PTPRD: variants seen among roughly 807,000 people sequenced by gnomAD.
The protein encoded by PTPRD is receptor-type tyrosine-protein phosphatase delta.
In PTPRD, 34 loss-of-function variants were observed where a neutral mutation model predicts 214.5. That is an observed-to-expected ratio of 0.16 (90% confidence interval 0.12 to 0.21). The LOEUF (loss-of-function observed/expected upper bound fraction) is 0.21, where lower values mean the gene tolerates loss of function less well. Ranked by LOEUF, PTPRD falls within the 10% of genes least tolerant of loss-of-function variation. The pLI is 1.00. For synonymous variants in PTPRD, 1,128 were observed against 845.7 expected (o/e 1.33, Z -5.79); for missense variants, 2,545 against 2,398.7 (o/e 1.06, Z -1.27).
intron 10 of PTPRD, among the ~76,000 whole-genome samples, chr9:9,051,102 T>C (rs185548431): frequency 3.6e-4 from 55 of 152,292 alleles, no homozygotes; most frequent in African/African-American, 1.2e-3. Context: ...TATATAGTCT[T>C]CCAGCTATCA....
At chr9:8,877,756 T>G (rs1018331406) in intron 11 of PTPRD, among the ~76,000 whole-genome samples, 1 of 152,208 alleles carries the variant, frequency 6.6e-6, no homozygotes, top group Non-Finnish European at 1.5e-5. Context: ...GACAGGCCAA[T>G]AGACAAAGTT....
intron 2 of PTPRD, among the ~76,000 whole-genome samples, chr9:10,410,124 T>G (rs958744710): frequency 4.0e-5 from 6 of 151,110 alleles, no homozygotes; most frequent in African/African-American, 1.5e-4. Context: ...ATAGAACAAC[T>G]TTTGATTCTG....
intron 7 of PTPRD, among the ~76,000 whole-genome samples, chr9:9,669,164 T>G (rs2096778585): frequency 6.6e-6 from 1 of 152,174 alleles, no homozygotes; most frequent in South Asian, 2.1e-4. Flanking sequence ...CCCAAAGGAT[T>G]ATAAATCATG....
intron 3 of PTPRD, among the ~76,000 whole-genome samples, chr9:10,310,047 G>T (rs1364545079): frequency 6.6e-6 from 1 of 151,980 alleles, no homozygotes; most frequent in African/African-American, 2.4e-5. Context: ...TCAAAGCTGG[G>T]AACTCTTCCT....
chr9:8,378,001 A>C (rs1285206773), intron 37 of PTPRD, among the ~76,000 whole-genome samples: 1 of 152,100 alleles, frequency 6.6e-6, no homozygotes, highest in Non-Finnish European at 1.5e-5. Context: ...CAAGACAAAA[A>C]AGAAAAGCAC....
intron 39 of PTPRD, among the ~76,000 whole-genome samples, chr9:8,349,696 C>G (rs1032133058): frequency 6.6e-6 from 1 of 152,156 alleles, no homozygotes; most frequent in Non-Finnish European, 1.5e-5. Context: ...CCCTGTGCTT[C>G]AGGCTGAGGC....
intron 10 of PTPRD, among the ~76,000 whole-genome samples, chr9:9,019,281 GAAGAAAGA>G (rs1234982087): frequency 0.013 from 913 of 72,172 alleles, 17 homozygotes; most frequent in Admixed American, 0.059. Context: ...GAAAAAGAAA[GAAGAAAGA>G]AAGAAAGAAA....
At chr9:8,558,737 T>A (rs1172407812) in intron 14 of PTPRD, among the ~76,000 whole-genome samples, 1 of 152,202 alleles carries the variant, frequency 6.6e-6, no homozygotes, top group Non-Finnish European at 1.5e-5. Flanking sequence ...TGGTGAGTGT[T>A]CATATTAATG....
At chr9:10,049,691 G>A (rs747126234) in intron 3 of PTPRD, among the ~76,000 whole-genome samples, 4 of 152,152 alleles carry the variant, frequency 2.6e-5, no homozygotes, top group Admixed American at 1.3e-4. Flanking sequence ...AAAGAAAGAC[G>A]AGTGTATACC....
intron 20 of PTPRD, among the ~76,000 whole-genome samples, chr9:8,520,560 G>A (rs2091820203): frequency 6.6e-6 from 1 of 152,004 alleles, no homozygotes; most frequent in Admixed American, 6.6e-5. Context: ...GTTGCCCTAT[G>A]TCTGACTCAA....
In PTPRD at chr9:10,318,049, C is replaced by T. The variant is rs193221284; in HGVS notation, c.-545+22914G>A. Among the ~76,000 whole-genome samples, 91 of 151,998 alleles carry T rather than the reference C, an allele frequency of 6.0e-4. No individual in the cohort carries two copies. In the East Asian group the frequency reaches 0.015, roughly 25 times the overall value. The stretch of plus-strand genomic sequence containing the variant: ...CTGTCTACTACTTGTTCTGTTGCTA[C>T]GTTTTTTCCCCTAGTAAATGAAATC... On this transcript the variant is annotated intron_variant, in intron 3 of 45. Transcript: ENST00000381196.
intron 8 of PTPRD, among the ~76,000 whole-genome samples, chr9:9,400,521 CAA>C (rs753091054): frequency 7.2e-4 from 109 of 150,786 alleles, no homozygotes; most frequent in Middle Eastern, 3.4e-3. Flanking sequence ...TTTATCTAAC[CAA>C]AAAAAAAGTT....
chr9:10,184,003 G>A (rs931631602), intron 3 of PTPRD, among the ~76,000 whole-genome samples: 6 of 152,040 alleles, frequency 3.9e-5, no homozygotes, highest in Non-Finnish European at 8.8e-5. Context: ...AACACATCTG[G>A]TCACATGCAC....
chr9:10,298,355 C>T (rs578088021), intron 3 of PTPRD, among the ~76,000 whole-genome samples: 4 of 150,700 alleles, frequency 2.7e-5, no homozygotes, highest in African/African-American at 7.4e-5. Context: ...AACCTATTTG[C>T]CAAATTAGAG....
At chr9:8,773,483 G>C (rs1057489776) in intron 11 of PTPRD, among the ~76,000 whole-genome samples, 2 of 152,154 alleles carry the variant, frequency 1.3e-5, no homozygotes, top group Non-Finnish European at 2.9e-5. Flanking sequence ...TTCAGGACCT[G>C]AAGTCCCATG....
intron 3 of PTPRD, among the ~76,000 whole-genome samples, chr9:10,216,299 A>C (rs1020542808): frequency 5.9e-5 from 9 of 151,784 alleles, no homozygotes; most frequent in Non-Finnish European, 1.2e-4. Flanking sequence ...GTGCAGGTAG[A>C]AGGACGGAAG....
chr9:9,473,703 T>A (rs2094800519), intron 8 of PTPRD, among the ~76,000 whole-genome samples: 1 of 152,080 alleles, frequency 6.6e-6, no homozygotes, highest in Admixed American at 6.6e-5. Flanking sequence ...TCACTGTGGT[T>A]TTTATTTTCA....
chr9:10,532,051 T>C (rs2056508888), intron 2 of PTPRD: 1 of 152,176 alleles, frequency 6.6e-6, no homozygotes, highest in Non-Finnish European at 1.5e-5. Flanking sequence ...CCTAATTTCA[T>C]TTAGCAGTTT....
intron 10 of PTPRD, among the ~76,000 whole-genome samples, chr9:9,089,359 G>C (rs1323930493): frequency 6.6e-6 from 1 of 152,186 alleles, no homozygotes; most frequent in Non-Finnish European, 1.5e-5. Context: ...TCTACAGTTT[G>C]CTGACTGCTA....
Sources: gnomAD v4.1 joint callset for allele counts (sites outside exome capture counted in the v4.1 genomes callset) on GRCh38, gnomAD v4.1.1 for gene constraint, MANE v1.5 for transcripts, NCBI Gene and HGNC (gene_info 2026-07-23, HGNC 2026-07-21) for gene names.